SARS1: variants seen among roughly 807,000 people sequenced by gnomAD.
SARS1 encodes seryl-tRNA synthetase 1, also known as serine--tRNA ligase, cytoplasmic.
In SARS1, 25 loss-of-function variants were observed where a neutral mutation model predicts 63.7. That is an observed-to-expected ratio of 0.39 (90% CI 0.29 to 0.55). The LOEUF is 0.55. Ranked by LOEUF, SARS1 falls within the 20% of genes least tolerant of loss-of-function variation. SARS1 has a pLI of 0.62. For synonymous variants in SARS1, 231 were observed against 243.5 expected (o/e 0.95, Z 0.48); for missense variants, 417 against 649.7 (o/e 0.64, Z 3.89).
At chr1:109,216,259 T>C (rs1654782827) in intron 1 of SARS1, 1 of 985,228 alleles carries the variant, frequency 1.0e-6, no homozygotes, top group African/African-American at 1.7e-5. Flanking sequence ...GCTCCCTAAT[T>C]GAGGACACAT....
chr1:109,214,895 G>A lies in SARS1; in HGVS notation c.136+767G>A. The A allele has an allele frequency of 1.0e-6, 1 of 985,424 alleles. No individual in the cohort carries two copies. Among genetic ancestry groups the A allele is most frequent in the Non-Finnish European group, 1.2e-6 (1 of 829,928 alleles). The allele number at this position is 985,424 out of a possible 1,614,324, so 61.0% of individuals were successfully genotyped here. A position where few individuals can be genotyped will look rare whatever the true frequency, so the allele number is the denominator to read the frequency against. Reference sequence around the variant, plus strand: ...CATATCGGGCATCTATCATGAAGCCGAATAAAACCATAGAACCATCTGCCC... The same window carrying A: ...CATATCGGGCATCTATCATGAAGCCAAATAAAACCATAGAACCATCTGCCC... On this transcript the variant is annotated intron_variant, in intron 1 of 10. Transcript: ENST00000234677. The surrounding 1 kb of genome is among the most constrained non-coding windows in gnomAD (Gnocchi z 4.6).
At chr1:109,219,888 A>C (rs1557714679) in intron 1 of SARS1, among the ~76,000 whole-genome samples, 1 of 152,100 alleles carries the variant, frequency 6.6e-6, no homozygotes, top group South Asian at 2.1e-4. Context: ...GGTTCTTTTC[A>C]TTGCTATATA....
At chr1:109,225,606 T>C (rs887260055) in intron 2 of SARS1, among the ~76,000 whole-genome samples, 17 of 152,224 alleles carry the variant, frequency 1.1e-4, no homozygotes, top group African/African-American at 4.1e-4. Context: ...GAAATGGTAA[T>C]GATAGTGCTT....
chr1:109,228,842 G>A (rs1274164071), intron 3 of SARS1, among the ~76,000 whole-genome samples: 1 of 152,116 alleles, frequency 6.6e-6, no homozygotes, highest in Non-Finnish European at 1.5e-5. Context: ...CATATAGCAA[G>A]AACATAAACC....
Position 109,228,414 on chromosome 1 carries a change from T to C in SARS1, c.270T>C (p.Leu90=), listed in dbSNP as rs779948557. Residue 90 remains leucine, a synonymous_variant, in exon 3 of 11, where the codon CTT becomes CTC. Coordinates refer to ENST00000234677, the MANE Select transcript of SARS1 (RefSeq NM_006513.4). ...AGAATGTGCTGAGTTTCGATGACCT[T>C]ACTGCAGACGCTTTAGCTGTAAGTT... ...VPENVLSFDD[L]TADALANLKV... 1.2e-5 allele frequency: 20 copies of C among 1,611,866 alleles called. No individual in the cohort carries two copies. Among genetic ancestry groups the C allele is most frequent in the Admixed American group, 5.0e-5 (3 of 59,976 alleles).
chr1:109,216,198 T>C (rs934162466), intron 1 of SARS1: 10 of 985,294 alleles, frequency 1.0e-5, no homozygotes, highest in East Asian at 1.1e-4. Flanking sequence ...TCTTCTCTCA[T>C]TGCCTTGAGC....
At chr1:109,231,438 G>C (rs1367706031) in intron 5 of SARS1, 193 bp from the exon 6 acceptor site, 1 of 413,652 alleles carries the variant, frequency 2.4e-6, no homozygotes, top group Non-Finnish European at 4.2e-6. Flanking sequence ...TGGATGATTT[G>C]CTGGGCTTCA....
At chr1:109,220,795 T>C (rs1654909854) in intron 1 of SARS1, among the ~76,000 whole-genome samples, 1 of 152,162 alleles carries the variant, frequency 6.6e-6, no homozygotes, top group African/African-American at 2.4e-5. Context: ...TTGTATTCTG[T>C]TTTGAAAATC....
intron 2 of SARS1, among the ~76,000 whole-genome samples, chr1:109,225,663 T>A (rs113260042): frequency 9.5e-4 from 144 of 152,348 alleles, no homozygotes; most frequent in African/African-American, 3.3e-3. Context: ...CACAGACATC[T>A]TATTTTGGTT....
intron 1 of SARS1, among the ~76,000 whole-genome samples, chr1:109,221,960 T>TTTTGTGTGTGTGTG (rs771565091): frequency 0.043 from 428 of 10,046 alleles, 17 homozygotes; most frequent in Middle Eastern, 0.086. Context: ...GCTAATTTTT[T>TTTTGTGTGTGTGTG]TGTGTGTGTG....
intron 2 of SARS1, among the ~76,000 whole-genome samples, chr1:109,224,855 G>A (rs1217920938): frequency 1.3e-5 from 2 of 152,242 alleles, no homozygotes; most frequent in East Asian, 3.9e-4. Flanking sequence ...CCAGCACTTT[G>A]GGAGCCAAAG....
chr1:109,224,473 A>T (rs1409115602), intron 2 of SARS1, among the ~76,000 whole-genome samples: 1 of 152,140 alleles, frequency 6.6e-6, no homozygotes, highest in African/African-American at 2.4e-5. Flanking sequence ...CAGTTTTCTC[A>T]TTTATAAAAT....
At chr1:109,220,198 G>A (rs564381927) in intron 1 of SARS1, among the ~76,000 whole-genome samples, 1 of 152,210 alleles carries the variant, frequency 6.6e-6, no homozygotes, top group Admixed American at 6.5e-5. Context: ...GTGTCTTTTG[G>A]TAGACATTAA....
chr1:109,237,092 A>C lies in SARS1; in HGVS notation c.1258-152A>C. On this transcript the variant is annotated intron_variant, in intron 9 of 10. Coordinates refer to ENST00000234677, the MANE Select transcript of SARS1 (RefSeq NM_006513.4). The surrounding 1 kb of genome is among the most constrained non-coding windows in gnomAD (Gnocchi z 4.1). ...TAGGCAATAAATACCAAATAATTCA[A>C]ATTTAGAAAAAAGTTGCTAAGGGGT... 1 of 1,303,940 alleles carries C rather than the reference A, an allele frequency of 7.7e-7. No homozygotes were observed. 80.8% of individuals were successfully genotyped at this position (1,303,940 alleles called of 1,614,324 possible).
Position 109,237,219 on chromosome 1 carries a change from C to T in SARS1, c.1258-25C>T, listed in dbSNP as rs565534957. 9.4e-6 allele frequency: 15 copies of T among 1,600,338 alleles called. No homozygotes were observed. In the African/African-American group the frequency reaches 1.9e-4, roughly 20 times the overall value. On this transcript the variant is annotated intron_variant, in intron 9 of 10. Coordinates refer to ENST00000234677, the MANE Select transcript of SARS1 (RefSeq NM_006513.4). This position sits in a 1 kb window ranked among gnomAD's most constrained non-coding sequence, Gnocchi z 4.1. ...ACCCGATGAGAGTTGAGCCCGACTT[C>T]CCCTCTGGGACCCTGTCTTCCCAGG...
At chr1:109,228,696 T>C (rs997652907) in intron 3 of SARS1, among the ~76,000 whole-genome samples, 1 of 152,220 alleles carries the variant, frequency 6.6e-6, no homozygotes, top group Admixed American at 6.5e-5. Flanking sequence ...TTGGTTTATA[T>C]AACTCCATAT....
At chr1:109,229,672 A>G in intron 4 of SARS1, 100 bp downstream of exon 4, 1 of 1,249,012 alleles carries the variant, frequency 8.0e-7, no homozygotes, top group East Asian at 2.4e-5. Flanking sequence ...ATTGTCTGTC[A>G]GAAGCAGGTT....
Position 109,237,366 on chromosome 1 carries a change from G to T in SARS1, c.1380G>T (p.Met460Ile). ...TGCCTGAGAAATTGAAGGAGTTCAT[G>T]CCGCCAGGTAAAACTCCCAGCTCAT... ...ITVPEKLKEFMPPGLQELIPF... is the reference protein window; with the variant it reads ...ITVPEKLKEFIPPGLQELIPF... The change falls in exon 10 of 11, where the codon ATG becomes ATT. Residue 460 changes from methionine to isoleucine, a missense_variant. This residue lies in a region of SARS1 where 43 missense variants were observed against 68.1 expected (regional missense o/e 0.63). Coordinates refer to ENST00000234677, the MANE Select transcript of SARS1 (RefSeq NM_006513.4). This position sits in a 1 kb window ranked among gnomAD's most constrained non-coding sequence, Gnocchi z 4.1. 6.2e-7 allele frequency: 1 copy of T among 1,614,228 alleles called. No individual in the cohort carries two copies. Among genetic ancestry groups the T allele is most frequent in the Non-Finnish European group, 8.5e-7 (1 of 1,180,040 alleles).
chr1:109,230,087 G>A (rs1279763746), intron 4 of SARS1, among the ~76,000 whole-genome samples: 1 of 152,058 alleles, frequency 6.6e-6, no homozygotes, highest in Non-Finnish European at 1.5e-5. Flanking sequence ...GTGTGCAGGA[G>A]GCTGCAGAGC....
Sources: allele counts gnomAD v4.1 joint callset (sites outside exome capture counted in the v4.1 genomes callset), GRCh38; gene constraint gnomAD v4.1.1; regional missense constraint gnomAD v4.1.1; non-coding constraint Gnocchi (gnomAD v3.1); transcripts MANE v1.5; gene names NCBI Gene and HGNC (gene_info 2026-07-23, HGNC 2026-07-21).